Variants in ARHGEF28 observed in about 807,000 individuals in gnomAD.
The protein encoded by ARHGEF28 is Rho guanine nucleotide exchange factor 28, also known as 190 kDa guanine nucleotide exchange factor.
A neutral mutation model predicts 206.6 loss-of-function variants in ARHGEF28; 152 were observed. That is an observed-to-expected ratio of 0.74 (90% CI 0.64 to 0.84). The LOEUF is 0.84. Among genes scored for constraint, ARHGEF28 ranks in the 40% least tolerant of loss-of-function variants. ARHGEF28 has a pLI of 0.00. For missense variants in ARHGEF28, 2,028 were observed against 2,073.2 expected (o/e 0.98, Z 0.42); for synonymous variants, 763 against 776.4 (o/e 0.98, Z 0.29).
chr5:73,730,031 G>A (rs570411876), intron 2 of ARHGEF28, among the ~76,000 whole-genome samples: 1 of 152,266 alleles, frequency 6.6e-6, no homozygotes, highest in East Asian at 1.9e-4. Flanking sequence ...GTGGTTTCCA[G>A]AGTTATTCAG....
chr5:73,893,209 A>C lies in ARHGEF28; in HGVS notation c.3579A>C (p.Glu1193Asp), dbSNP rs1199575586. Residue 1193 changes from glutamate to aspartate, a missense_variant, in exon 28 of 36, where the codon GAA becomes GAC. By Grantham distance (45) the Glu-to-Asp change is conservative. Around this residue, in one of 3 missense-constraint regions of ARHGEF28, gnomAD observed 803 missense variants for 768.0 expected, o/e 1.05. Transcript: ENST00000513042. Reference protein sequence around the residue: ...IQQAVESCPEEKGGRTSESDE... With the variant: ...IQQAVESCPEDKGGRTSESDE... ...TTGTCTTTTAAAGTTGTCCTGAAGA[A>C]AAAGGGGGAAGGACAAGTGAATCTG... 1.3e-6 allele frequency: 2 copies of C among 1,551,440 alleles called. No individual in the cohort carries two copies. Among genetic ancestry groups the C allele is most frequent in the South Asian group, 2.5e-5 (2 of 81,624 alleles).
chr5:73,820,317 C>T (rs1023915310), intron 9 of ARHGEF28, among the ~76,000 whole-genome samples: 3 of 152,122 alleles, frequency 2.0e-5, no homozygotes, highest in African/African-American at 7.2e-5. Flanking sequence ...TCTCAAATTT[C>T]TTCCCTCTCC....
intron 4 of ARHGEF28, among the ~76,000 whole-genome samples, chr5:73,770,803 T>TA (rs1753182456): frequency 1.3e-5 from 2 of 152,208 alleles, no homozygotes; most frequent in South Asian, 4.1e-4. Context: ...TCCCCTGCCT[T>TA]ACCTCCTCCC....
chr5:73,775,915 A>G lies in ARHGEF28; in HGVS notation c.660-601A>G, dbSNP rs1207431197. Among the ~76,000 whole-genome samples the G allele has an allele frequency of 2.7e-4, 10 of 36,446 alleles. No individual in the cohort carries two copies. In the African/African-American group the frequency reaches 2.9e-3, roughly 10 times the overall value. The allele number at this position is 36,446 out of a possible 152,430, so 23.9% of individuals were successfully genotyped here. ...ATACATGACTCTCCAAAAAACACAT[A>G]ATTTGAATCAACACAACATTTAGGT... On this transcript the variant is annotated intron_variant, in intron 5 of 35. Coordinates refer to ENST00000513042, the MANE Select transcript of ARHGEF28 (RefSeq NM_001177693.2).
intron 2 of ARHGEF28, among the ~76,000 whole-genome samples, chr5:73,722,708 A>C (rs1251386518): frequency 2.0e-5 from 3 of 152,230 alleles, no homozygotes; most frequent in African/African-American, 7.2e-5. Context: ...AAACAGGCAG[A>C]TAGATATCTA....
chr5:73,672,080 C>T lies in ARHGEF28; in HGVS notation c.-11-12761C>T, dbSNP rs1746384334. The stretch of plus-strand genomic sequence containing the variant: ...AAAAGTAAAGCACATGTAGGAAAAG[C>T]TAGAATATATGTTGTTGAAAATTCT... On this transcript the variant is annotated intron_variant, in intron 1 of 35. Transcript: ENST00000513042. Among the ~76,000 whole-genome samples, 2 of 151,972 alleles carry T rather than the reference C, an allele frequency of 1.3e-5. 1 individual carries two copies. The highest frequency in any genetic ancestry group is 4.2e-4 in the South Asian group (2 of 4,814).
chr5:73,676,913 G>A (rs980627022), intron 1 of ARHGEF28, among the ~76,000 whole-genome samples: 1 of 152,150 alleles, frequency 6.6e-6, no homozygotes, highest in African/African-American at 2.4e-5. Flanking sequence ...CTCATCGAAC[G>A]ATAGCTTCAT....
At chr5:73,698,776 A>G (rs1248658467) in intron 2 of ARHGEF28, among the ~76,000 whole-genome samples, 1 of 152,036 alleles carries the variant, frequency 6.6e-6, no homozygotes, top group African/African-American at 2.4e-5. Flanking sequence ...GAGCCTGTGT[A>G]GGAGCTGGGT....
At chr5:73,880,869 T>A (rs948970666) in intron 22 of ARHGEF28, among the ~76,000 whole-genome samples, 12 of 151,956 alleles carry the variant, frequency 7.9e-5, no homozygotes, top group African/African-American at 2.9e-4. Flanking sequence ...GAGGTTGAGG[T>A]TGCAGTGAGC....
At chr5:73,688,536 C>T (rs1747609655) in intron 2 of ARHGEF28, among the ~76,000 whole-genome samples, 1 of 152,142 alleles carries the variant, frequency 6.6e-6, no homozygotes, top group African/African-American at 2.4e-5. Context: ...TGATAAAGAA[C>T]ATTTTTTATT....
In ARHGEF28 at chr5:73,941,171, T is replaced by A; in HGVS notation, c.*158T>A. ...GCTCATTTTTTTGGCATGAGTCTAA[T>A]TAAATTATTGAAAGCCACCCTGTTT... On this transcript the variant is annotated 3_prime_UTR_variant, in exon 36 of 36. Coordinates refer to ENST00000513042, the MANE Select transcript of ARHGEF28 (RefSeq NM_001177693.2). 1 of 658,170 alleles carries A rather than the reference T, an allele frequency of 1.5e-6. No individual in the cohort carries two copies. The highest frequency in any genetic ancestry group is 2.2e-6 in the Non-Finnish European group (1 of 465,024). 40.8% of individuals were successfully genotyped at this position (658,170 alleles called of 1,614,324 possible). A position where few individuals can be genotyped will look rare whatever the true frequency, so the allele number is the denominator to read the frequency against.
intron 2 of ARHGEF28, among the ~76,000 whole-genome samples, chr5:73,685,180 A>G (rs1230524569): frequency 1.3e-5 from 2 of 152,166 alleles, no homozygotes; most frequent in African/African-American, 4.8e-5. Flanking sequence ...TTTTATGATA[A>G]TATCCTGATA....
At chr5:73,880,235 T>G (rs967599631) in intron 22 of ARHGEF28, among the ~76,000 whole-genome samples, 2 of 152,118 alleles carry the variant, frequency 1.3e-5, no homozygotes, top group Admixed American at 1.3e-4. Context: ...CCGAGCCAGG[T>G]GTGGGATATA....
At chr5:73,920,694 A>C (rs137918061) in intron 35 of ARHGEF28, among the ~76,000 whole-genome samples, 97 of 152,064 alleles carry the variant, frequency 6.4e-4, no homozygotes, top group African/African-American at 2.2e-3. Flanking sequence ...TAAGCCCCTC[A>C]TGCATCAGGT....
intron 1 of ARHGEF28, among the ~76,000 whole-genome samples, chr5:73,629,037 T>C (rs575171256): frequency 6.6e-6 from 1 of 152,232 alleles, no homozygotes; most frequent in African/African-American, 2.4e-5. Flanking sequence ...TCATTTACAT[T>C]CATTCAACTA....
At chr5:73,867,780 G>A in intron 18 of ARHGEF28, 96 bp from the exon 19 acceptor site, 2 of 1,497,898 alleles carry the variant, frequency 1.3e-6, no homozygotes, top group Non-Finnish European at 1.8e-6. Context: ...ATTACAAGTA[G>A]TCATTGCAGG....
chr5:73,735,653 C>T (rs1580543212), intron 2 of ARHGEF28, among the ~76,000 whole-genome samples: 1 of 152,238 alleles, frequency 6.6e-6, no homozygotes, highest in African/African-American at 2.4e-5. Context: ...GCCTGTGTCT[C>T]CTAGACTGGT....
intron 6 of ARHGEF28, chr5:73,780,297 G>C (rs1753762250): frequency 9.4e-6 from 2 of 212,332 alleles, no homozygotes; most frequent in South Asian, 1.7e-4. Flanking sequence ...AGATTCCTGT[G>C]TCTTAGGATG....
intron 25 of ARHGEF28, 40 bp downstream of exon 25, chr5:73,886,144 CATT>C: frequency 6.4e-7 from 1 of 1,561,928 alleles, no homozygotes; most frequent in Non-Finnish European, 8.6e-7. Flanking sequence ...CCTTCATACA[CATT>C]ATTCATTTAA....
Sources: allele counts gnomAD v4.1 joint callset (sites outside exome capture counted in the v4.1 genomes callset), GRCh38; gene constraint gnomAD v4.1.1; regional missense constraint gnomAD v4.1.1; transcripts MANE v1.5; gene names NCBI Gene and HGNC (gene_info 2026-07-23, HGNC 2026-07-21).